THSD7B: variants seen among roughly 807,000 people sequenced by gnomAD.
The protein encoded by THSD7B is thrombospondin type-1 domain-containing protein 7B.
THSD7B carries 138 observed loss-of-function variants against 213.6 expected under a neutral mutation model. The observed-to-expected ratio is 0.65, with a 90% CI of 0.56 to 0.74. THSD7B has a LOEUF of 0.74. Ranked by LOEUF, THSD7B falls within the 30% of genes least tolerant of loss-of-function variation. The probability of loss-of-function intolerance (pLI) is 0.00; values close to 1 mark genes in which losing one functional copy is unlikely to be tolerated. For synonymous variants in THSD7B, 742 were observed against 687.0 expected (o/e 1.08, Z -1.25); for missense variants, 1,931 against 1,991.5 (o/e 0.97, Z 0.58).
chr2:137,203,720 ATG>A (rs570121266), intron 7 of THSD7B, among the ~76,000 whole-genome samples: 1 of 151,956 alleles, frequency 6.6e-6, no homozygotes, highest in African/African-American at 2.4e-5. Context: ...GTGTTTGTGT[ATG>A]TGTGTGTGTA....
chr2:137,648,392 G>C (rs1683077524), intron 21 of THSD7B, among the ~76,000 whole-genome samples: 1 of 150,824 alleles, frequency 6.6e-6, no homozygotes, highest in Admixed American at 6.6e-5. Context: ...TCACCCCTAC[G>C]TTCCTTGCCT....
intron 7 of THSD7B, among the ~76,000 whole-genome samples, chr2:137,195,396 T>A (rs1410441202): frequency 6.6e-6 from 1 of 152,092 alleles, no homozygotes; most frequent in African/African-American, 2.4e-5. Context: ...TGCCATTTAC[T>A]ACTAAAATAA....
At chr2:137,164,642 A>G (rs898231075) in intron 6 of THSD7B, among the ~76,000 whole-genome samples, 2 of 152,224 alleles carry the variant, frequency 1.3e-5, no homozygotes, top group African/African-American at 2.4e-5. Context: ...AATGTCCAAC[A>G]ATGATAGACT....
In THSD7B at chr2:137,549,709, G is replaced by A. The variant is rs114320729; in HGVS notation, c.3139-13512G>A. Among the ~76,000 whole-genome samples, 236 of 152,004 alleles carry A rather than the reference G, an allele frequency of 1.6e-3. 1 individual carries two copies. The highest frequency in any genetic ancestry group is 5.4e-3 in the African/African-American group (226 of 41,486). The stretch of plus-strand genomic sequence containing the variant: ...TATTTCCCTGACCCGCCAGCCCCTG[G>A]CAACCACCATTCTATTCTTTGTGTC... On this transcript the variant is annotated intron_variant, in intron 15 of 27. Transcript: ENST00000409968.
intron 1 of THSD7B, among the ~76,000 whole-genome samples, chr2:136,846,855 T>G (rs1254789406): frequency 6.6e-6 from 1 of 152,138 alleles, no homozygotes; most frequent in Non-Finnish European, 1.5e-5. Context: ...TCTATTGATA[T>G]GCAATAAATA....
In THSD7B at chr2:137,549,358, C is replaced by T. The variant is rs57444830; in HGVS notation, c.3139-13863C>T. Among the ~76,000 whole-genome samples the T allele has an allele frequency of 3.9e-4, 43 of 109,286 alleles. 1 individual carries two copies. The East Asian group carries it at 0.01, about 27-fold the overall frequency. The allele number at this position is 109,286 out of a possible 152,430, so 71.7% of individuals were successfully genotyped here. ...TTTGCAACAGAGATAGAAAGTTTTC[C>T]GTTTTCACCTGATTTCTGATGGTCA... On this transcript the variant is annotated intron_variant, in intron 15 of 27. Coordinates refer to ENST00000409968, the MANE Select transcript of THSD7B (RefSeq NM_001316349.2).
intron 1 of THSD7B, among the ~76,000 whole-genome samples, chr2:136,871,421 C>T (rs1291668380): frequency 6.6e-6 from 1 of 151,948 alleles, no homozygotes; most frequent in Non-Finnish European, 1.5e-5. Flanking sequence ...AAAGACATAC[C>T]AGAAATGGAG....
At chr2:137,282,382 T>G (rs966774045) in intron 12 of THSD7B, among the ~76,000 whole-genome samples, 1 of 152,216 alleles carries the variant, frequency 6.6e-6, no homozygotes, top group African/African-American at 2.4e-5. Context: ...GTAGTTTCTT[T>G]CGCTGTGCAG....
intron 7 of THSD7B, among the ~76,000 whole-genome samples, chr2:137,183,465 T>A (rs1680493139): frequency 6.6e-6 from 1 of 152,152 alleles, no homozygotes; most frequent in South Asian, 2.1e-4. Context: ...ATCCAGATGT[T>A]TGAAAGCATT....
At chr2:137,025,632 G>T (rs1415488291) in intron 2 of THSD7B, among the ~76,000 whole-genome samples, 1 of 152,122 alleles carries the variant, frequency 6.6e-6, no homozygotes, top group Non-Finnish European at 1.5e-5. Flanking sequence ...TTGTGGCTCT[G>T]CTATTCCCTA....
rs1038070688 is a variant in THSD7B at position 137,298,198 on chromosome 2, A to G, written c.2500+22172A>G. 2.6e-5 allele frequency among the ~76,000 whole-genome samples: 4 copies of G among 152,072 alleles called. No individual in the cohort carries two copies. The South Asian group carries it at 8.4e-4, about 32-fold the overall frequency. On this transcript the variant is annotated intron_variant, in intron 12 of 27. Transcript: ENST00000409968. ...TTGTTTGGGAATGGGAGCAAAGGTG[A>G]CCCTTGTTATGTTTTAGCAAAGAGA...
At chr2:137,127,579 T>C (rs1455810099) in intron 5 of THSD7B, among the ~76,000 whole-genome samples, 1 of 152,190 alleles carries the variant, frequency 6.6e-6, no homozygotes. Flanking sequence ...TGGGCTTCAA[T>C]TTGTTACTTT....
At chr2:137,482,114 A>G (rs1180272348) in intron 15 of THSD7B, among the ~76,000 whole-genome samples, 1 of 150,474 alleles carries the variant, frequency 6.6e-6, no homozygotes, top group Non-Finnish European at 1.5e-5. Context: ...TGGGAAGTGG[A>G]GCTTGCAGTG....
intron 20 of THSD7B, among the ~76,000 whole-genome samples, chr2:137,638,804 G>T (rs1682882763): frequency 6.6e-6 from 1 of 152,148 alleles, no homozygotes; most frequent in Non-Finnish European, 1.5e-5. Flanking sequence ...AAAGAGACTG[G>T]TGGCATTTTG....
intron 15 of THSD7B, among the ~76,000 whole-genome samples, chr2:137,464,202 C>T (rs1235103351): frequency 6.6e-6 from 1 of 151,956 alleles, no homozygotes; most frequent in Non-Finnish European, 1.5e-5. Context: ...TCCTCATTTA[C>T]TTTTTGGTTT....
At position 137,141,025 on chromosome 2, in the gene THSD7B, G is replaced by T. The variant is rs377686421; in HGVS notation, c.1370-19188G>T. On this transcript the variant is annotated intron_variant, in intron 5 of 27. Transcript: ENST00000409968. ...TATGAAAGGAGTGTTCCAGGCAGAG[G>T]ACTTAACAAGTGCAAAGCCATAGGG... Among the ~76,000 whole-genome samples the T allele has an allele frequency of 4.8e-4, 73 of 152,282 alleles. 2 individuals are homozygous for T. The South Asian group carries it at 0.013, about 27-fold the overall frequency.
intron 14 of THSD7B, among the ~76,000 whole-genome samples, chr2:137,448,312 A>G (rs994459871): frequency 4.6e-5 from 7 of 152,252 alleles, no homozygotes; most frequent in Non-Finnish European, 8.8e-5. Context: ...GAGGCCATCA[A>G]CCAAATTGGC....
intron 5 of THSD7B, among the ~76,000 whole-genome samples, chr2:137,123,043 G>A (rs961525958): frequency 6.6e-6 from 1 of 152,146 alleles, no homozygotes; most frequent in African/African-American, 2.4e-5. Context: ...TGTGAAAATT[G>A]CTTATACTGA....
intron 12 of THSD7B, among the ~76,000 whole-genome samples, chr2:137,342,465 A>C (rs1244612099): frequency 6.6e-6 from 1 of 151,606 alleles, no homozygotes; most frequent in Non-Finnish European, 1.5e-5. Flanking sequence ...AAACAGTGAC[A>C]ATTTTACTTC....
Sources: gnomAD v4.1 joint callset for allele counts (sites outside exome capture counted in the v4.1 genomes callset) on GRCh38, gnomAD v4.1.1 for gene constraint, MANE v1.5 for transcripts, NCBI Gene and HGNC (gene_info 2026-07-23, HGNC 2026-07-21) for gene names.